Variants in NREP observed in about 807,000 individuals in gnomAD.
NREP encodes neuronal regeneration related protein, also known as neuronal regeneration-related protein.
NREP carries 5 observed loss-of-function variants against 8.6 expected under a neutral mutation model. The observed-to-expected ratio is 0.58, with a 90% CI of 0.30 to 1.22. NREP has a LOEUF of 1.22. Ranked by LOEUF, NREP falls within the 50% of genes most tolerant of loss-of-function variation. The pLI is 0.07. For synonymous variants in NREP, 27 were observed against 28.0 expected, an observed-to-expected ratio of 0.96 and a Z score of 0.11; for missense variants, 86 against 82.5, an observed-to-expected ratio of 1.04 and a Z score of -0.17.
At chr5:111,760,503 C>T (rs1051760266), upstream of NREP, among the ~76,000 whole-genome samples, 1 of 152,186 alleles carries the variant, frequency 6.6e-6, no homozygotes, top group African/African-American at 2.4e-5. Context: ...CAGCCAAAGC[C>T]AAAGTGAAGG....
At chr5:111,902,334 T>C (rs991661798) in intron 2 of NREP, among the ~76,000 whole-genome samples, 1 of 152,148 alleles carries the variant, frequency 6.6e-6, no homozygotes, top group Non-Finnish European at 1.5e-5. Context: ...AAATCAAATT[T>C]GAGTGAACAT....
intron 2 of NREP, chr5:111,846,663 G>T (rs1349336058): frequency 6.6e-6 from 1 of 151,714 alleles, no homozygotes; most frequent in Non-Finnish European, 1.5e-5. Flanking sequence ...TCACTTTTCA[G>T]TAATTCAAAT....
chr5:111,931,784 C>T (rs1581229445), intron 2 of NREP, among the ~76,000 whole-genome samples: 2 of 152,088 alleles, frequency 1.3e-5, no homozygotes, highest in South Asian at 4.1e-4. Context: ...TTACAGGTTC[C>T]TCCATGGGTC....
intron 2 of NREP, among the ~76,000 whole-genome samples, chr5:111,954,103 A>G (rs1469966337): frequency 6.6e-6 from 1 of 152,188 alleles, no homozygotes; most frequent in Non-Finnish European, 1.5e-5. Flanking sequence ...TAAGTCTCTC[A>G]TGATCTATCT....
At chr5:111,792,435 T>G (rs1751772556) in intron 2 of NREP, among the ~76,000 whole-genome samples, 2 of 152,174 alleles carry the variant, frequency 1.3e-5, no homozygotes, top group African/African-American at 4.8e-5. Flanking sequence ...ATCAACATAT[T>G]AAAAGAAAAT....
Position 111,943,608 on chromosome 5 carries a change from T to C in NREP, c.135+31666A>G, listed in dbSNP as rs375453660. ...TGAATTCATTTTCATGCTGAAGCTA[T>C]GCCTCTTTTTACATTTCTGTCTGAG... On this transcript the variant is annotated intron_variant, in intron 2 of 3. Coordinates refer to the NREP transcript ENST00000395634. Among the ~76,000 whole-genome samples the C allele has an allele frequency of 2.0e-5, 3 of 152,228 alleles. No homozygotes were observed. The East Asian group carries it at 5.8e-4, about 30-fold the overall frequency.
At chr5:111,831,970 G>A (rs1752779280) in intron 2 of NREP, among the ~76,000 whole-genome samples, 1 of 152,200 alleles carries the variant, frequency 6.6e-6, no homozygotes, top group Non-Finnish European at 1.5e-5. Flanking sequence ...CGTAGGCCAA[G>A]TGTAGGACAA....
intron 2 of NREP, among the ~76,000 whole-genome samples, chr5:111,888,147 G>T (rs1349940633): frequency 6.6e-6 from 1 of 152,168 alleles, no homozygotes; most frequent in Non-Finnish European, 1.5e-5. Flanking sequence ...CATGCTTTTA[G>T]GTTGGAAGTC....
intron 2 of NREP, chr5:111,969,503 C>A (rs1011251494): frequency 6.6e-6 from 1 of 152,164 alleles, no homozygotes; most frequent in Non-Finnish European, 1.5e-5. Flanking sequence ...AAACGTTCCC[C>A]CATCTTCTAT....
chr5:111,888,287 G>C (rs535010763), intron 2 of NREP, among the ~76,000 whole-genome samples: 56 of 151,976 alleles, frequency 3.7e-4, no homozygotes, highest in African/African-American at 1.4e-3. Context: ...CTGAGACTGG[G>C]TAATTTGTAA....
intron 2 of NREP, among the ~76,000 whole-genome samples, chr5:111,859,840 C>T (rs1386246311): frequency 6.6e-6 from 1 of 152,006 alleles, no homozygotes; most frequent in Non-Finnish European, 1.5e-5. Flanking sequence ...TCTTGGGGGG[C>T]AGTAAACATA....
At chr5:111,911,503 A>G (rs1754911250) in intron 2 of NREP, among the ~76,000 whole-genome samples, 2 of 152,160 alleles carry the variant, frequency 1.3e-5, no homozygotes, top group African/African-American at 4.8e-5. Flanking sequence ...GTAAGCACAT[A>G]CTAAGTGGCA....
At chr5:111,911,881 C>A (rs1754922230) in intron 2 of NREP, among the ~76,000 whole-genome samples, 1 of 152,112 alleles carries the variant, frequency 6.6e-6, no homozygotes, top group African/African-American at 2.4e-5. Context: ...ATACACACAG[C>A]ATTTCAGGTA....
intron 2 of NREP, among the ~76,000 whole-genome samples, chr5:111,790,622 G>A (rs1000008558): frequency 2.6e-5 from 4 of 151,814 alleles, no homozygotes; most frequent in Non-Finnish European, 4.4e-5. Context: ...AAAAGGTTTC[G>A]CCTATCCATG....
chr5:111,756,452 T>G (rs34319506), intron 1 of NREP, among the ~76,000 whole-genome samples: 1 of 152,120 alleles, frequency 6.6e-6, no homozygotes, highest in Non-Finnish European at 1.5e-5. Flanking sequence ...CGCTCTTTTG[T>G]TAACACAGTT....
intron 2 of NREP, among the ~76,000 whole-genome samples, chr5:111,902,727 G>A (rs1249955472): frequency 6.6e-6 from 1 of 152,252 alleles, no homozygotes; most frequent in South Asian, 2.1e-4. Context: ...CCCAGGGAAA[G>A]CTTCACCAGA....
At chr5:111,945,807 G>C (rs1755962524) in intron 2 of NREP, among the ~76,000 whole-genome samples, 1 of 151,742 alleles carries the variant, frequency 6.6e-6, no homozygotes, top group Non-Finnish European at 1.5e-5. Context: ...TTCTCAATCA[G>C]AACGTTTGCA....
intron 2 of NREP, among the ~76,000 whole-genome samples, chr5:111,948,545 T>C (rs1244805224): frequency 2.6e-5 from 4 of 152,110 alleles, no homozygotes; most frequent in Non-Finnish European, 4.4e-5. Context: ...GTGTCTTATG[T>C]ACCCAGTAGA....
chr5:111,850,816 A>G (rs574138492), intron 2 of NREP, among the ~76,000 whole-genome samples: 23 of 152,260 alleles, frequency 1.5e-4, no homozygotes, highest in African/African-American at 5.3e-4. Flanking sequence ...AGGTTTGATC[A>G]CACCAGTTCC....
Sources: gnomAD v4.1 joint callset for allele counts (sites outside exome capture counted in the v4.1 genomes callset) on GRCh38, gnomAD v4.1.1 for gene constraint, MANE v1.5 for transcripts, NCBI Gene and HGNC (gene_info 2026-07-23, HGNC 2026-07-21) for gene names.